The following IL1RAPL2 variants were observed in gnomAD, a reference collection of about 807,000 sequenced individuals.
IL1RAPL2 encodes X-linked interleukin-1 receptor accessory protein-like 2.
IL1RAPL2 carries 3 observed loss-of-function variants against 44.1 expected under a neutral mutation model. The ratio of observed to expected loss-of-function variants is 0.07; its 90% CI spans 0.03 to 0.18. The LOEUF is 0.18. IL1RAPL2 is among the 10% of genes least tolerant of loss of function. The probability of loss-of-function intolerance (pLI) is 1.00; values close to 1 mark genes in which losing one functional copy is unlikely to be tolerated. For synonymous variants in IL1RAPL2, 181 were observed against 178.8 expected (o/e 1.01, Z -0.10); for missense variants, 391 against 496.4 (o/e 0.79, Z 2.02).
intron 2 of IL1RAPL2, among the ~76,000 whole-genome samples, chrX:104,850,683 T>C (rs907756679): frequency 3.6e-5 from 4 of 111,839 alleles, no homozygotes; most frequent in African/African-American, 1.3e-4. Flanking sequence ...TATCATTAAT[T>C]TGAAAGTCCT....
At chrX:104,643,996 A>T (rs1208720928) in intron 1 of IL1RAPL2, among the ~76,000 whole-genome samples, 2 of 111,513 alleles carry the variant, frequency 1.8e-5, no homozygotes. Flanking sequence ...GTAAGGATTA[A>T]AGGGGTTAGA....
chrX:104,798,561 G>T (rs1463586919), intron 2 of IL1RAPL2, among the ~76,000 whole-genome samples: 1 of 111,045 alleles, frequency 9.0e-6, no homozygotes, highest in Non-Finnish European at 1.9e-5. Flanking sequence ...AGCTACTCGG[G>T]AGGCTGAGGC....
intron 6 of IL1RAPL2, among the ~76,000 whole-genome samples, chrX:105,542,740 T>A (rs1335224847): frequency 1.0e-5 from 1 of 100,385 alleles, no homozygotes; most frequent in Non-Finnish European, 2.0e-5. Context: ...TAATTTATTA[T>A]TTTTTTTTTT....
chrX:105,338,915 C>T (rs373366786), intron 5 of IL1RAPL2, among the ~76,000 whole-genome samples: 2 of 110,915 alleles, frequency 1.8e-5, no homozygotes, highest in South Asian at 3.8e-4. Flanking sequence ...GCCTGGCCAA[C>T]GTGGTGAAAC....
intron 6 of IL1RAPL2, among the ~76,000 whole-genome samples, chrX:105,498,966 G>A (rs923212053): frequency 9.0e-6 from 1 of 110,924 alleles, no homozygotes; most frequent in Non-Finnish European, 1.9e-5. Flanking sequence ...TCTCATAGGA[G>A]CATGAACCCT....
In IL1RAPL2 at chrX:104,893,672, T is replaced by A. The variant is rs774753563; in HGVS notation, c.82+234677T>A. ...TTCCTCCATCCCTTTATGTTGAGTC[T>A]ATGTGTGTTTCTGCACATGAGATGG... On this transcript the variant is annotated intron_variant, in intron 2 of 10. Transcript: ENST00000372582. 7.2e-5 allele frequency among the ~76,000 whole-genome samples: 8 copies of A among 111,824 alleles called. No homozygotes were observed. In the South Asian group the frequency reaches 2.7e-3, roughly 37 times the overall value.
At chrX:104,860,075 G>A (rs1922455633) in intron 2 of IL1RAPL2, among the ~76,000 whole-genome samples, 1 of 112,119 alleles carries the variant, frequency 8.9e-6, no homozygotes, top group African/African-American at 3.2e-5. Context: ...AATGGAGAAT[G>A]TTCTTTTGCT....
intron 5 of IL1RAPL2, among the ~76,000 whole-genome samples, chrX:105,349,259 A>G (rs2035134359): frequency 8.9e-6 from 1 of 111,770 alleles, no homozygotes; most frequent in Admixed American, 9.6e-5. Context: ...TTAAAGGGGA[A>G]AGGTTTTAAA....
At chrX:105,098,748 G>C (rs1054180829) in intron 2 of IL1RAPL2, among the ~76,000 whole-genome samples, 1 of 111,956 alleles carries the variant, frequency 8.9e-6, no homozygotes, top group African/African-American at 3.2e-5. Flanking sequence ...GGTCAGAGTC[G>C]TGTTTGATTT....
chrX:105,484,291 T>A, intron 5 of IL1RAPL2, 22 bp from the exon 6 acceptor site: 3 of 1,119,838 alleles, frequency 2.7e-6, no homozygotes, highest in Non-Finnish European at 2.5e-6. Context: ...TTTCCATTAC[T>A]TTCTTTCATT....
rs781945419 is a variant in IL1RAPL2 at position 105,188,739 on chromosome X, G to A, written c.83-6736G>A. Reference sequence around the variant, plus strand: ...AAACTGAACAGAAATTTCTGGAAAGGTATTTTTAAAAACTTGAGGCAATAA... The same window carrying A: ...AAACTGAACAGAAATTTCTGGAAAGATATTTTTAAAAACTTGAGGCAATAA... On this transcript the variant is annotated intron_variant, in intron 2 of 10. Transcript: ENST00000372582. Among the ~76,000 whole-genome samples, 4 of 111,937 alleles carry A rather than the reference G, an allele frequency of 3.6e-5. No homozygotes were observed. The East Asian group carries it at 8.4e-4, about 24-fold the overall frequency.
chrX:105,335,195 CT>C (rs56692709), intron 5 of IL1RAPL2, among the ~76,000 whole-genome samples: 3,480 of 111,192 alleles, frequency 0.031, 133 homozygotes, highest in African/African-American at 0.11. Context: ...GAATTTGGCC[CT>C]TGATGCCCTT....
intron 6 of IL1RAPL2, among the ~76,000 whole-genome samples, chrX:105,674,923 T>C (rs964525607): frequency 4.5e-5 from 5 of 110,065 alleles, no homozygotes; most frequent in Middle Eastern, 4.7e-3. Flanking sequence ...TTTGTAGCAA[T>C]TGCGAAGGGG....
intron 2 of IL1RAPL2, among the ~76,000 whole-genome samples, chrX:104,876,404 C>A (rs1018886447): frequency 3.6e-5 from 4 of 111,661 alleles, no homozygotes; most frequent in African/African-American, 1.3e-4. Context: ...TATTTGGGGT[C>A]TTGCATGGTA....
chrX:105,643,817 T>G (rs1236015095), intron 6 of IL1RAPL2, among the ~76,000 whole-genome samples: 1 of 112,386 alleles, frequency 8.9e-6, no homozygotes, highest in East Asian at 2.8e-4. Context: ...TTTCTGATGA[T>G]GACTTGTCTG....
chrX:104,894,799 C>A (rs187880400), intron 2 of IL1RAPL2, among the ~76,000 whole-genome samples: 2 of 112,368 alleles, frequency 1.8e-5, no homozygotes, highest in African/African-American at 6.5e-5. Flanking sequence ...CAAAGTCATT[C>A]TCCATCCAGC....
At chrX:105,595,288 A>G (rs1227232659) in intron 6 of IL1RAPL2, among the ~76,000 whole-genome samples, 2 of 112,020 alleles carry the variant, frequency 1.8e-5, no homozygotes, top group Non-Finnish European at 3.8e-5. Context: ...AAGTTTATTA[A>G]TAAAAAATAT....
At chrX:105,126,329 G>T (rs1342196799) in intron 2 of IL1RAPL2, among the ~76,000 whole-genome samples, 1 of 61,075 alleles carries the variant, frequency 1.6e-5, no homozygotes, top group Non-Finnish European at 3.1e-5. Flanking sequence ...GGAATCAGTT[G>T]GAAAAAGCCA....
At chrX:105,135,011 T>G (rs1221671794) in intron 2 of IL1RAPL2, among the ~76,000 whole-genome samples, 4 of 106,602 alleles carry the variant, frequency 3.8e-5, no homozygotes, top group Admixed American at 1.0e-4. Flanking sequence ...GAGTGCTACT[T>G]TGGAAAAGCC....
Sources: gnomAD v4.1 joint callset for allele counts (sites outside exome capture counted in the v4.1 genomes callset) on GRCh38, gnomAD v4.1.1 for gene constraint, MANE v1.5 for transcripts, NCBI Gene and HGNC (gene_info 2026-07-23, HGNC 2026-07-21) for gene names.